DIP2C: variants seen among roughly 807,000 people sequenced by gnomAD.
DIP2C encodes disco-interacting protein 2 homolog C.
In DIP2C, 33 loss-of-function variants were observed where a neutral mutation model predicts 192.4. The observed-to-expected ratio is 0.17, with a 90% CI of 0.13 to 0.23. The LOEUF is 0.23. Ranked by LOEUF, DIP2C falls within the 10% of genes least tolerant of loss-of-function variation. The pLI, the probability that DIP2C is intolerant of heterozygous loss-of-function variation, is 1.00. For synonymous variants in DIP2C, 979 were observed against 864.1 expected (o/e 1.13, Z -2.33); for missense variants, 1,537 against 2,110.1 (o/e 0.73, Z 5.32).
intron 3 of DIP2C, among the ~76,000 whole-genome samples, chr10:467,776 G>C (rs978814587): frequency 6.6e-6 from 1 of 151,940 alleles, no homozygotes; most frequent in Non-Finnish European, 1.5e-5. Flanking sequence ...ACACAGGGAG[G>C]GGAACATCAC....
chr10:686,114 G>A (rs1263009297), intron 1 of DIP2C, among the ~76,000 whole-genome samples: 1 of 152,116 alleles, frequency 6.6e-6, no homozygotes, highest in African/African-American at 2.4e-5. Flanking sequence ...CAATTATAAA[G>A]GGCAAAAATG....
At chr10:535,071 C>CTCT (rs1273169685) in intron 1 of DIP2C, among the ~76,000 whole-genome samples, 5 of 152,090 alleles carry the variant, frequency 3.3e-5, no homozygotes, top group East Asian at 1.9e-4. Flanking sequence ...GAACTGACCC[C>CTCT]TCTCTCCCTG....
chr10:498,826 G>A (rs1333074878), intron 1 of DIP2C, among the ~76,000 whole-genome samples: 4 of 152,148 alleles, frequency 2.6e-5, no homozygotes, highest in African/African-American at 4.8e-5. Flanking sequence ...CTGTGTGGGC[G>A]AATTAAGGAG....
chr10:457,241 T>C (rs895693239), intron 3 of DIP2C, among the ~76,000 whole-genome samples: 9 of 152,214 alleles, frequency 5.9e-5, no homozygotes, highest in African/African-American at 2.2e-4. Flanking sequence ...TTCTTTTTAT[T>C]ATTGTCTCAC....
At chr10:326,851 A>C (rs1027248957) in intron 31 of DIP2C, among the ~76,000 whole-genome samples, 155 bp downstream of exon 31, 3 of 152,146 alleles carry the variant, frequency 2.0e-5, no homozygotes, top group Non-Finnish European at 4.4e-5. Flanking sequence ...AGTTTAAAGA[A>C]ACAGAGATCT....
chr10:459,092 G>A (rs560109302), intron 3 of DIP2C, among the ~76,000 whole-genome samples: 246 of 151,316 alleles, frequency 1.6e-3, no homozygotes, highest in African/African-American at 5.7e-3. Flanking sequence ...AAAAGCTTTT[G>A]CCAGTGGGGC....
rs570558630 is a variant in DIP2C, at chr10:495,808, C to T, written c.86-9278G>A. Among the ~76,000 whole-genome samples the T allele has an allele frequency of 2.2e-4, 34 of 151,630 alleles. No homozygotes were observed. In the East Asian group the frequency reaches 6.1e-3, roughly 27 times the overall value. On this transcript the variant is annotated intron_variant, in intron 1 of 36. Transcript: ENST00000280886. ...CAGTGCCCTCCCCATGTACTTAAAT[C>T]TCTACATTACTCTCAATACCCCAAA...
chr10:426,071 A>C (rs951726133), intron 4 of DIP2C, among the ~76,000 whole-genome samples: 1 of 152,252 alleles, frequency 6.6e-6, no homozygotes, highest in Non-Finnish European at 1.5e-5. Flanking sequence ...AGAAGGAATA[A>C]AAGTGCCTTT....
intron 1 of DIP2C, among the ~76,000 whole-genome samples, chr10:687,328 T>C (rs1488415000): frequency 6.6e-6 from 1 of 152,200 alleles, no homozygotes; most frequent in Non-Finnish European, 1.5e-5. Flanking sequence ...CTTACAGCAC[T>C]ACCCCCATAA....
At chr10:488,293 C>CTCACGGCCTGCTCCTT (rs1248534782) in intron 1 of DIP2C, among the ~76,000 whole-genome samples, 5 of 152,218 alleles carry the variant, frequency 3.3e-5, no homozygotes, top group African/African-American at 1.2e-4. Flanking sequence ...ACGCTCTGTG[C>CTCACGGCCTGCTCCTT]TCACGGCCTG....
At chr10:489,859 A>G (rs7923548) in intron 1 of DIP2C, among the ~76,000 whole-genome samples, 12,712 of 52,570 alleles carry the variant, frequency 0.24, 3,288 homozygotes, top group Non-Finnish European at 0.37. Context: ...TGGCTCTGAC[A>G]GTGCCCGGGG....
intron 2 of DIP2C, among the ~76,000 whole-genome samples, chr10:478,551 A>G (rs1054583672): frequency 3.3e-5 from 5 of 151,316 alleles, no homozygotes; most frequent in Non-Finnish European, 5.9e-5. Flanking sequence ...GGGTGTAGAC[A>G]CATCCAAATT....
At chr10:620,454 G>C (rs371887811) in intron 1 of DIP2C, among the ~76,000 whole-genome samples, 2 of 152,142 alleles carry the variant, frequency 1.3e-5, no homozygotes, top group African/African-American at 4.8e-5. Context: ...CCATTCCTAG[G>C]GGGCCTCCTG....
chr10:283,428 G>C lies in DIP2C; in HGVS notation c.4138C>G (p.His1380Asp). The change falls in exon 35 of 37, where the codon CAC (histidine) becomes GAC (aspartate). Residue 1380 changes from histidine (H) to aspartate (D), a missense_variant. Transcript: ENST00000280886. ...ATAGTGAAATAACCGCTGGCATTGTGGGCACTGTGAACCCAAATCTGCAAA... is the reference window on the plus strand; with the variant it reads ...ATAGTGAAATAACCGCTGGCATTGTCGGCACTGTGAACCCAAATCTGCAAA... ...HLGEIWVHSA[H>D]NASGYFTIYG... The C allele has an allele frequency of 6.2e-7, 1 of 1,614,120 alleles. No individual in the cohort carries two copies. Among genetic ancestry groups the C allele is most frequent in the Non-Finnish European group, 8.5e-7 (1 of 1,180,002 alleles).
intron 1 of DIP2C, among the ~76,000 whole-genome samples, chr10:523,527 A>AT (rs1467971332): frequency 0.099 from 3,994 of 40,336 alleles, 100 homozygotes; most frequent in Middle Eastern, 0.16. Context: ...TTTCTACCTG[A>AT]GCAAAGGACC....
chr10:575,621 C>T (rs1850101145), intron 1 of DIP2C, among the ~76,000 whole-genome samples: 2 of 152,198 alleles, frequency 1.3e-5, no homozygotes. Flanking sequence ...CAGAAAAGAA[C>T]ACAAGCCTTC....
intron 31 of DIP2C, chr10:325,015 C>T (rs759285074): frequency 1.9e-5 from 10 of 519,978 alleles, no homozygotes; most frequent in Non-Finnish European, 3.1e-5. Flanking sequence ...CCTGTAATCC[C>T]AGCACTTTAG....
intron 5 of DIP2C, among the ~76,000 whole-genome samples, chr10:421,973 A>T: frequency 6.6e-6 from 1 of 152,188 alleles, no homozygotes; most frequent in East Asian, 1.9e-4. Flanking sequence ...AGAAGTGAAC[A>T]TTCTGGGGTT....
At chr10:526,417 C>T (rs1408472687) in intron 1 of DIP2C, among the ~76,000 whole-genome samples, 15 of 151,988 alleles carry the variant, frequency 9.9e-5, no homozygotes, top group Admixed American at 9.8e-4. Flanking sequence ...GTTCATACCA[C>T]TGTAGAGACT....
Sources: gnomAD v4.1 joint callset for allele counts (sites outside exome capture counted in the v4.1 genomes callset) on GRCh38, gnomAD v4.1.1 for gene constraint, MANE v1.5 for transcripts, NCBI Gene and HGNC (gene_info 2026-07-23, HGNC 2026-07-21) for gene names.